MFAP3L: variants seen among roughly 807,000 people sequenced by gnomAD.
MFAP3L encodes microfibril associated protein 3 like, also known as microfibrillar-associated protein 3-like.
A neutral mutation model predicts 20.0 loss-of-function variants in MFAP3L; 5 were observed. The observed-to-expected ratio is 0.25, with a 90% CI of 0.13 to 0.53. The LOEUF is 0.53. Ranked by LOEUF, MFAP3L falls within the 20% of genes least tolerant of loss-of-function variation. The pLI, the probability that MFAP3L is intolerant of heterozygous loss-of-function variation, is 0.96. For synonymous variants in MFAP3L, 219 were observed against 213.0 expected (o/e 1.03, Z -0.25); for missense variants, 409 against 527.5 (o/e 0.78, Z 2.20).
intron 2 of MFAP3L, among the ~76,000 whole-genome samples, chr4:169,998,218 A>G (rs1164657681): frequency 1.3e-5 from 2 of 152,196 alleles, no homozygotes; most frequent in Non-Finnish European, 2.9e-5. Context: ...CCTCAATAGG[A>G]CAGTGCCAGG....
In MFAP3L at chr4:169,989,920, A is replaced by G. The variant is rs1418683277; in HGVS notation, c.*1458T>C. The G allele has an allele frequency of 6.6e-6, 1 of 152,240 alleles. No homozygotes were observed. Among genetic ancestry groups the G allele is most frequent in the Non-Finnish European group, 1.5e-5 (1 of 68,042 alleles). 9.4% of individuals were successfully genotyped at this position (152,240 alleles called of 1,614,324 possible). ...TAAAATGCTATTTCTCAAAACCAAC[A>G]TTCTTATTTAAGTAATGAAGCATGA... On this transcript the variant is annotated 3_prime_UTR_variant, in exon 3 of 3. Coordinates refer to ENST00000361618, the MANE Select transcript of MFAP3L (RefSeq NM_021647.8).
At chr4:169,996,146 C>T (rs879465783) in intron 2 of MFAP3L, among the ~76,000 whole-genome samples, 4 of 142,642 alleles carry the variant, frequency 2.8e-5, no homozygotes, top group Non-Finnish European at 5.9e-5. Context: ...CATCTCACAT[C>T]TCCTGGAGAC....
At position 170,021,756 on chromosome 4, in the gene MFAP3L, G is replaced by A. The variant is rs372704596; in HGVS notation, c.-134+4478C>T. 8.5e-5 allele frequency among the ~76,000 whole-genome samples: 13 copies of A among 152,174 alleles called. No homozygotes were observed. In the East Asian group the frequency reaches 1.7e-3, roughly 20 times the overall value. Reference sequence around the variant, plus strand: ...AGATATTGAGGCCTTGTACATAAGAGAGACTAAATGAATATGTTTGAAAAG... The same window carrying A: ...AGATATTGAGGCCTTGTACATAAGAAAGACTAAATGAATATGTTTGAAAAG... On this transcript the variant is annotated intron_variant, in intron 1 of 2. Coordinates refer to ENST00000361618, the MANE Select transcript of MFAP3L (RefSeq NM_021647.8).
Position 169,987,274 on chromosome 4 carries a change from T to C in MFAP3L, c.*4104A>G, listed in dbSNP as rs1737342534. ...TTTTTTAAAATGACCAGTATCTTGA[T>C]GCTCAAAATATGTGAAAATACAATG... is the stretch of plus-strand genomic sequence containing the variant. On this transcript the variant is annotated 3_prime_UTR_variant, in exon 3 of 3. Transcript: ENST00000361618. The C allele has an allele frequency of 6.6e-6, 1 of 152,226 alleles. No individual in the cohort carries two copies. The allele number at this position is 152,226 out of a possible 1,614,324, so 9.4% of individuals were successfully genotyped here.
intron 2 of MFAP3L, chr4:169,994,368 G>A: frequency 1.0e-6 from 1 of 985,198 alleles, no homozygotes; most frequent in Middle Eastern, 5.2e-4. Context: ...CCTGGGTACA[G>A]AAGAGGAGAA....
intron 1 of MFAP3L, among the ~76,000 whole-genome samples, chr4:170,007,156 T>C (rs1459885024): frequency 1.3e-5 from 2 of 152,154 alleles, no homozygotes; most frequent in Admixed American, 6.5e-5. Context: ...TTTTTTTCAG[T>C]AGGAAAGAAA....
chr4:169,998,156 G>C (rs1362712758), intron 2 of MFAP3L, among the ~76,000 whole-genome samples: 1 of 152,218 alleles, frequency 6.6e-6, no homozygotes, highest in Admixed American at 6.5e-5. Flanking sequence ...AGCTGACCTG[G>C]GACCACGGTG....
chr4:170,003,567 A>G (rs1384166752), intron 2 of MFAP3L: 1 of 477,016 alleles, frequency 2.1e-6, no homozygotes, highest in Non-Finnish European at 2.7e-6. Flanking sequence ...AAATGTTGGA[A>G]CTGAAATTCA....
chr4:169,990,426 G>A lies in MFAP3L; in HGVS notation c.*952C>T, dbSNP rs1381854068. ...GAAGCCAATATTCTATAACCTACAG[G>A]AATCCACTGAATCTGATGTCTTTGG... On this transcript the variant is annotated 3_prime_UTR_variant, in exon 3 of 3. Transcript: ENST00000361618. 1 of 152,580 alleles carries A rather than the reference G, an allele frequency of 6.6e-6. No homozygotes were observed. The highest frequency in any genetic ancestry group is 1.5e-5 in the Non-Finnish European group (1 of 68,034). 9.5% of individuals were successfully genotyped at this position (152,580 alleles called of 1,614,324 possible). A position where few individuals can be genotyped will look rare whatever the true frequency, so the allele number is the denominator to read the frequency against.
intron 2 of MFAP3L, among the ~76,000 whole-genome samples, chr4:170,003,140 A>G (rs1738788726): frequency 6.6e-6 from 1 of 152,228 alleles, no homozygotes; most frequent in Non-Finnish European, 1.5e-5. Flanking sequence ...CATGCATTGT[A>G]ATTACAAAAG....
In MFAP3L at chr4:170,026,296, G is replaced by A. The variant is rs1581540243; in HGVS notation, c.-196C>T. 4.1e-6 allele frequency: 4 copies of A among 983,962 alleles called. No individual in the cohort carries two copies. The highest frequency in any genetic ancestry group is 3.6e-6 in the Non-Finnish European group (3 of 829,380). 61.0% of individuals were successfully genotyped at this position (983,962 alleles called of 1,614,324 possible). On this transcript the variant is annotated 5_prime_UTR_variant, in exon 1 of 3. Coordinates refer to ENST00000361618, the MANE Select transcript of MFAP3L (RefSeq NM_021647.8). ...CCCTCGCCATGGCCAGCCCGACAGCGGCCGCTGCGCCGCACTCTGCGCCGG... is the reference window on the plus strand; with the variant it reads ...CCCTCGCCATGGCCAGCCCGACAGCAGCCGCTGCGCCGCACTCTGCGCCGG...
intron 1 of MFAP3L, among the ~76,000 whole-genome samples, chr4:170,020,022 G>A (rs1037877893): frequency 7.2e-5 from 11 of 152,192 alleles, no homozygotes; most frequent in Non-Finnish European, 1.3e-4. Flanking sequence ...TACAAAGTCT[G>A]TGCCCTGTGA....
rs746556765 is a variant in MFAP3L at position 169,992,267 on chromosome 4, T to C, written c.341A>G (p.Lys114Arg). The C allele has an allele frequency of 1.9e-6, 3 of 1,613,360 alleles. No individual in the cohort carries two copies. The Middle Eastern group carries it at 5.0e-4, about 271-fold the overall frequency. Reference protein sequence around the residue: ...MHDSGLLNITKVSFSDRGKYT... With the variant: ...MHDSGLLNITRVSFSDRGKYT... The stretch of plus-strand genomic sequence containing the variant: ...TTTACCTCGGTCTGAGAAGGATACC[T>C]TGGTGATGTTCAGGAGGCCGCTGTC... Residue 114 changes from lysine (K) to arginine (R), a missense_variant, in exon 3 of 3, where the codon AAG (lysine) becomes AGG (arginine). This residue lies in a region of MFAP3L where 127 missense variants were observed against 218.1 expected (regional missense o/e 0.58). Transcript: ENST00000361618. The surrounding 1 kb of genome is among the most constrained non-coding windows in gnomAD (Gnocchi z 4.3).
At chr4:170,003,191 TA>T (rs1273609175) in intron 2 of MFAP3L, among the ~76,000 whole-genome samples, 1 of 152,234 alleles carries the variant, frequency 6.6e-6, no homozygotes, top group Admixed American at 6.5e-5. Flanking sequence ...GAGTTCTTTT[TA>T]AAACTTGAAA....
chr4:170,015,861 CA>C (rs1739667908), intron 1 of MFAP3L, among the ~76,000 whole-genome samples: 1 of 152,176 alleles, frequency 6.6e-6, no homozygotes, highest in Non-Finnish European at 1.5e-5. Flanking sequence ...GCCACGGACC[CA>C]ACCTTTCCTC....
chr4:169,999,639 T>C (rs1361739945), intron 2 of MFAP3L, among the ~76,000 whole-genome samples: 5 of 152,212 alleles, frequency 3.3e-5, no homozygotes, highest in African/African-American at 1.2e-4. Context: ...GAAATGGATC[T>C]GGAAGGGTCT....
At chr4:170,012,758 T>C (rs12645495) in intron 1 of MFAP3L, among the ~76,000 whole-genome samples, 36,975 of 152,104 alleles carry the variant, frequency 0.24, 5,223 homozygotes, top group East Asian at 0.69. Flanking sequence ...CTTGGTACAA[T>C]ACGCACTTAT....
chr4:170,001,412 C>G (rs1738608768), intron 2 of MFAP3L, among the ~76,000 whole-genome samples: 1 of 152,158 alleles, frequency 6.6e-6, no homozygotes, highest in South Asian at 2.1e-4. Flanking sequence ...CCAGACACTA[C>G]AAGAGCACAG....
rs745858308 is a variant in MFAP3L, at chr4:169,991,379, T to G, written c.1229A>C (p.Ter410SerextTer18). Residue 410 changes from the stop codon to serine (S), a stop_lost, in exon 3 of 3, where the codon TAA becomes TCA. Coordinates refer to ENST00000361618, the MANE Select transcript of MFAP3L (RefSeq NM_021647.8). This position sits in a 1 kb window ranked among gnomAD's most constrained non-coding sequence, Gnocchi z 4.9. ...NTCIIYESHV[*>S] ...ATGCATAGCTTTTCGGGGTTGGTATTAGACATGGCTTTCGTAAATAATGCA... is the reference window on the plus strand; with the variant it reads ...ATGCATAGCTTTTCGGGGTTGGTATGAGACATGGCTTTCGTAAATAATGCA... 1 of 1,612,952 alleles carries G rather than the reference T, an allele frequency of 6.2e-7. No individual in the cohort carries two copies. Among genetic ancestry groups the G allele is most frequent in the Non-Finnish European group, 8.5e-7 (1 of 1,179,248 alleles).
Sources: gnomAD v4.1 joint callset for allele counts (sites outside exome capture counted in the v4.1 genomes callset) on GRCh38, gnomAD v4.1.1 for gene constraint, gnomAD v4.1.1 regional missense constraint, Gnocchi (gnomAD v3.1) non-coding constraint, MANE v1.5 for transcripts, NCBI Gene and HGNC (gene_info 2026-07-23, HGNC 2026-07-21) for gene names.